Variants in RAPGEF4 observed in about 807,000 individuals in gnomAD.
The protein encoded by RAPGEF4 is RAP guanine-nucleotide-exchange factor (GEF) 4.
RAPGEF4 carries 66 observed loss-of-function variants against 147.9 expected under a neutral mutation model. The observed-to-expected ratio is 0.45, with a 90% CI of 0.37 to 0.55. The LOEUF (loss-of-function observed/expected upper bound fraction) is 0.55, where lower values mean the gene tolerates loss of function less well. Ranked by LOEUF, RAPGEF4 falls within the 20% of genes least tolerant of loss-of-function variation. The pLI, the probability that RAPGEF4 is intolerant of heterozygous loss-of-function variation, is 0.00. For missense variants in RAPGEF4, 1,071 were observed against 1,257.3 expected, an observed-to-expected ratio of 0.85 and a Z score of 2.24; for synonymous variants, 419 against 442.7, an observed-to-expected ratio of 0.95 and a Z score of 0.67.
At chr2:172,863,611 A>C (rs1358565577) in intron 4 of RAPGEF4, among the ~76,000 whole-genome samples, 1 of 152,254 alleles carries the variant, frequency 6.6e-6, no homozygotes, top group Non-Finnish European at 1.5e-5. Context: ...TTGACCTTTC[A>C]GAACATAACC....
chr2:172,755,089 G>T (rs2149451183), intron 1 of RAPGEF4, among the ~76,000 whole-genome samples: 1 of 152,154 alleles, frequency 6.6e-6, no homozygotes, highest in East Asian at 1.9e-4. Context: ...AAGACAAAAT[G>T]ATATGTGGCC....
At chr2:173,039,239 C>A (rs887882634) in intron 29 of RAPGEF4, among the ~76,000 whole-genome samples, 4 of 151,206 alleles carry the variant, frequency 2.6e-5, no homozygotes, top group South Asian at 2.1e-4. Context: ...GGGTGGATCA[C>A]GAGGTCAGGA....
chr2:172,917,716 A>G (rs1575230962), intron 4 of RAPGEF4, 86 bp from the exon 5 acceptor site: 6 of 1,184,710 alleles, frequency 5.1e-6, no homozygotes, highest in Non-Finnish European at 5.0e-6. Context: ...CCTGACACCC[A>G]GCATTTCTGC....
At chr2:173,034,289 G>T (rs1015105774) in intron 27 of RAPGEF4, among the ~76,000 whole-genome samples, 1 of 152,118 alleles carries the variant, frequency 6.6e-6, no homozygotes, top group Non-Finnish European at 1.5e-5. Flanking sequence ...ATTTTTCCCC[G>T]TTGGCTGGAG....
intron 4 of RAPGEF4, among the ~76,000 whole-genome samples, chr2:172,866,407 A>G (rs1466767521): frequency 6.6e-6 from 1 of 152,046 alleles, no homozygotes; most frequent in Non-Finnish European, 1.5e-5. Flanking sequence ...TTCTTGAAAT[A>G]TTATTTTCTT....
intron 10 of RAPGEF4, among the ~76,000 whole-genome samples, chr2:172,973,432 C>CA (rs1471010317): frequency 3.9e-5 from 6 of 151,976 alleles, no homozygotes; most frequent in African/African-American, 1.2e-4. Context: ...TTAAGAGCAG[C>CA]AAAAAAATAA....
intron 10 of RAPGEF4, among the ~76,000 whole-genome samples, chr2:172,976,813 C>G (rs1016951383): frequency 5.3e-5 from 8 of 152,220 alleles, no homozygotes; most frequent in African/African-American, 1.7e-4. Context: ...CTTGATAAAA[C>G]TGTATTTACC....
At chr2:172,891,138 A>G (rs919962479) in intron 4 of RAPGEF4, among the ~76,000 whole-genome samples, 3 of 152,168 alleles carry the variant, frequency 2.0e-5, no homozygotes, top group Non-Finnish European at 2.9e-5. Flanking sequence ...CTTTAAGGAA[A>G]AAAAAAAGGA....
rs1242605865 is a variant in RAPGEF4 at position 172,819,461 on chromosome 2, C to CTTTTT, written c.444+5054_444+5058dup. Among the ~76,000 whole-genome samples, 369 of 87,002 alleles carry CTTTTT rather than the reference C, an allele frequency of 4.2e-3. 43 individuals are homozygous for CTTTTT. Among genetic ancestry groups the CTTTTT allele is most frequent in the African/African-American group, 0.012 (259 of 21,568 alleles). The allele number at this position is 87,002 out of a possible 152,430, so 57.1% of individuals were successfully genotyped here. ...AAGTCTTAGAATACCATTTTTAGTT[C>CTTTTT]TTTTTTTTTTTTTTTTTTTTTTGAG... On this transcript the variant is annotated intron_variant, in intron 4 of 30. Coordinates refer to ENST00000397081, the MANE Select transcript of RAPGEF4 (RefSeq NM_007023.4).
intron 1 of RAPGEF4, among the ~76,000 whole-genome samples, chr2:172,738,015 G>A (rs185871246): frequency 5.9e-5 from 9 of 152,330 alleles, no homozygotes; most frequent in Admixed American, 1.3e-4. Context: ...ATTCCAATGA[G>A]GAACAGTTTA....
At chr2:172,929,162 G>A (rs530372849) in intron 6 of RAPGEF4, among the ~76,000 whole-genome samples, 2 of 152,210 alleles carry the variant, frequency 1.3e-5, no homozygotes, top group African/African-American at 4.8e-5. Context: ...GAGAAACTGA[G>A]AACAAATTAT....
intron 4 of RAPGEF4, chr2:172,821,976 G>T (rs1355522725): frequency 6.2e-7 from 1 of 1,613,488 alleles, no homozygotes; most frequent in East Asian, 2.2e-5. Context: ...TGCTCTACAA[G>T]GTCAGAATGA....
At chr2:172,935,610 G>A (rs1686482244) in intron 6 of RAPGEF4, among the ~76,000 whole-genome samples, 1 of 152,200 alleles carries the variant, frequency 6.6e-6, no homozygotes. Context: ...CCTTGTTTAT[G>A]AAGAAGTTGG....
At chr2:172,789,386 A>T (rs542400358) in intron 1 of RAPGEF4, among the ~76,000 whole-genome samples, 1 of 152,310 alleles carries the variant, frequency 6.6e-6, no homozygotes, top group Non-Finnish European at 1.5e-5. Context: ...TGTGGGTCAT[A>T]GGGGGCCACT....
chr2:172,740,725 AG>A (rs2149416960), intron 1 of RAPGEF4, among the ~76,000 whole-genome samples: 1 of 152,342 alleles, frequency 6.6e-6, no homozygotes, highest in South Asian at 2.1e-4. Context: ...CCATGTCCCA[AG>A]GGATGACATT....
At chr2:172,987,631 A>G (rs1692406217) in intron 12 of RAPGEF4, among the ~76,000 whole-genome samples, 1 of 152,236 alleles carries the variant, frequency 6.6e-6, no homozygotes. Flanking sequence ...ACATTGTATT[A>G]GCTATTATAA....
At chr2:172,823,004 T>C (rs1472775357) in intron 4 of RAPGEF4, among the ~76,000 whole-genome samples, 1 of 152,182 alleles carries the variant, frequency 6.6e-6, no homozygotes, top group Non-Finnish European at 1.5e-5. Context: ...GTTTACAATC[T>C]AGTGGAAAAG....
intron 10 of RAPGEF4, among the ~76,000 whole-genome samples, chr2:172,968,055 G>A (rs1021930839): frequency 6.6e-6 from 1 of 152,210 alleles, no homozygotes; most frequent in African/African-American, 2.4e-5. Context: ...ACTCTGAAAT[G>A]TTTAATCAGA....
chr2:172,933,724 T>C (rs902130082), intron 6 of RAPGEF4, among the ~76,000 whole-genome samples: 2 of 152,226 alleles, frequency 1.3e-5, no homozygotes, highest in African/African-American at 4.8e-5. Flanking sequence ...TCATTTATGT[T>C]TATAAGTTAA....
Sources: allele counts gnomAD v4.1 joint callset (sites outside exome capture counted in the v4.1 genomes callset), GRCh38; gene constraint gnomAD v4.1.1; transcripts MANE v1.5; gene names NCBI Gene and HGNC (gene_info 2026-07-23, HGNC 2026-07-21).